CENPP: variants seen among roughly 807,000 people sequenced by gnomAD.
CENPP encodes centromere protein P.
In CENPP, 24 loss-of-function variants were observed where a neutral mutation model predicts 35.6. The ratio of observed to expected loss-of-function variants is 0.67; its 90% CI spans 0.49 to 0.95. CENPP has a LOEUF of 0.95. Ranked by LOEUF, CENPP falls within the 40% of genes least tolerant of loss-of-function variation. CENPP has a pLI of 0.00. For synonymous variants in CENPP, 120 were observed against 125.5 expected, an observed-to-expected ratio of 0.96 and a Z score of 0.29; for missense variants, 332 against 345.3, an observed-to-expected ratio of 0.96 and a Z score of 0.31.
rs1851407523 is a variant in CENPP at position 92,615,690 on chromosome 9, T to C, written c.*2541T>C. On this transcript the variant is annotated 3_prime_UTR_variant, in exon 8 of 8. Transcript: ENST00000375587. ...TTGTTTCTAGTGCTCTTCAATTCCA[T>C]GTCTCCAAGAGGCAATCCCACCTCA... is the stretch of plus-strand genomic sequence containing the variant. The C allele has an allele frequency of 1.6e-6, 1 of 629,050 alleles. No homozygotes were observed. Among genetic ancestry groups the C allele is most frequent in the East Asian group, 2.8e-5 (1 of 36,048 alleles). The allele number at this position is 629,050 out of a possible 1,614,324, so 39.0% of individuals were successfully genotyped here. A position where few individuals can be genotyped will look rare whatever the true frequency, so the allele number is the denominator to read the frequency against.
intron 5 of CENPP, among the ~76,000 whole-genome samples, chr9:92,394,518 C>T (rs1001797415): frequency 2.0e-5 from 3 of 150,356 alleles, no homozygotes; most frequent in Admixed American, 6.6e-5. Flanking sequence ...CCCAAAGTGC[C>T]GGGATTACAG....
chr9:92,453,758 T>C (rs997069389), intron 5 of CENPP, among the ~76,000 whole-genome samples: 8 of 152,082 alleles, frequency 5.3e-5, no homozygotes, highest in African/African-American at 1.9e-4. Context: ...CAAAAAGGGA[T>C]TGAATTGTGA....
chr9:92,397,542 C>G (rs1360864794), intron 5 of CENPP, among the ~76,000 whole-genome samples: 1 of 152,088 alleles, frequency 6.6e-6, no homozygotes, highest in Non-Finnish European at 1.5e-5. Context: ...GTTGGCCAGG[C>G]TTGTCTCAAA....
intron 4 of CENPP, among the ~76,000 whole-genome samples, chr9:92,350,586 C>T (rs1036448127): frequency 1.3e-5 from 2 of 152,066 alleles, no homozygotes; most frequent in Non-Finnish European, 2.9e-5. Context: ...TATTTTTTTG[C>T]TCACTTGTTT....
rs1380097937 is a variant in CENPP, at chr9:92,501,163, A to G, written c.565-110151A>G. 4 of 1,083,274 alleles carry G rather than the reference A, an allele frequency of 3.7e-6. No individual in the cohort carries two copies. In the African/African-American group the frequency reaches 6.4e-5, roughly 17 times the overall value. 67.1% of individuals were successfully genotyped at this position (1,083,274 alleles called of 1,614,324 possible). On this transcript the variant is annotated intron_variant, in intron 5 of 7. Transcript: ENST00000375587. ...CTGGTCCATTTTCCTATAAGCACCC[A>G]GTTTGTAGTGATGATTCCAAATAGG...
chr9:92,584,314 TA>T (rs1371252609), intron 5 of CENPP, among the ~76,000 whole-genome samples: 2 of 151,948 alleles, frequency 1.3e-5, no homozygotes, highest in African/African-American at 4.8e-5. Context: ...TTGGCACAGA[TA>T]GGTGTTCAGT....
intron 5 of CENPP, chr9:92,494,069 C>A: frequency 1.3e-6 from 2 of 1,596,782 alleles, no homozygotes; most frequent in Non-Finnish European, 8.5e-7. Flanking sequence ...TGTTTGATTT[C>A]CTGCTTATTG....
intron 5 of CENPP, among the ~76,000 whole-genome samples, chr9:92,514,466 G>A (rs1481487967): frequency 6.6e-6 from 1 of 151,786 alleles, no homozygotes; most frequent in Non-Finnish European, 1.5e-5. Context: ...GTAGAGATGG[G>A]GTTTCACCAT....
chr9:92,334,811 C>T (rs759326838), intron 2 of CENPP, among the ~76,000 whole-genome samples: 3 of 149,570 alleles, frequency 2.0e-5, no homozygotes, highest in African/African-American at 4.9e-5. Flanking sequence ...AGCTGGGAGG[C>T]GGAGGTTGCA....
At chr9:92,580,176 T>A in intron 5 of CENPP, among the ~76,000 whole-genome samples, 1 of 152,160 alleles carries the variant, frequency 6.6e-6, no homozygotes, top group East Asian at 1.9e-4. Context: ...TGGATAAGCT[T>A]TTTCATGTGC....
chr9:92,400,129 G>A (rs1220422958), intron 5 of CENPP, among the ~76,000 whole-genome samples: 1 of 151,990 alleles, frequency 6.6e-6, no homozygotes, highest in African/African-American at 2.4e-5. Context: ...CCAAGAACAA[G>A]GGATGTCTTT....
chr9:92,515,201 A>T, intron 5 of CENPP: 11 of 1,561,396 alleles, frequency 7.0e-6, no homozygotes, highest in Non-Finnish European at 9.5e-6. Flanking sequence ...AGAGAATAGG[A>T]GACTAATGAC....
At chr9:92,468,581 C>T (rs1489093995) in intron 5 of CENPP, among the ~76,000 whole-genome samples, 3 of 152,152 alleles carry the variant, frequency 2.0e-5, no homozygotes, top group African/African-American at 7.2e-5. Flanking sequence ...AAACTTAACA[C>T]AGAGAATTTG....
intron 5 of CENPP, among the ~76,000 whole-genome samples, chr9:92,585,402 A>C (rs911933454): frequency 4.6e-5 from 7 of 152,230 alleles, no homozygotes; most frequent in African/African-American, 1.7e-4. Context: ...TTGACTATCC[A>C]TTCACCAGTT....
chr9:92,546,975 C>T (rs1046726489), intron 5 of CENPP, among the ~76,000 whole-genome samples: 6 of 152,022 alleles, frequency 3.9e-5, no homozygotes, highest in African/African-American at 9.7e-5. Flanking sequence ...CTGACAGGGA[C>T]GTCAGAAGGA....
chr9:92,415,057 A>G, intron 5 of CENPP: 2 of 946,362 alleles, frequency 2.1e-6, no homozygotes, highest in Non-Finnish European at 3.1e-6. Context: ...ACATAATTCT[A>G]AATATATTAC....
At chr9:92,612,966 A>G in intron 7 of CENPP, 53 bp from the exon 8 acceptor site, 1 of 1,610,274 alleles carries the variant, frequency 6.2e-7, no homozygotes, top group Non-Finnish European at 8.5e-7. Context: ...AAAACAAAAG[A>G]CCAAAAGCTG....
chr9:92,572,731 A>C (rs1850175662), intron 5 of CENPP, among the ~76,000 whole-genome samples: 1 of 152,148 alleles, frequency 6.6e-6, no homozygotes, highest in African/African-American at 2.4e-5. Flanking sequence ...TACACCAATC[A>C]GATGTAGATT....
At chr9:92,485,296 T>G (rs1414052030) in intron 5 of CENPP, among the ~76,000 whole-genome samples, 1 of 152,224 alleles carries the variant, frequency 6.6e-6, no homozygotes, top group Non-Finnish European at 1.5e-5. Flanking sequence ...GCTTTTTAAA[T>G]TGTTTTATTT....
Sources: gnomAD v4.1 joint callset for allele counts (sites outside exome capture counted in the v4.1 genomes callset) on GRCh38, gnomAD v4.1.1 for gene constraint, MANE v1.5 for transcripts, NCBI Gene and HGNC (gene_info 2026-07-23, HGNC 2026-07-21) for gene names.